The following SLCO1C1 variants were observed in gnomAD, a reference collection of about 807,000 sequenced individuals.
SLCO1C1 encodes solute carrier organic anion transporter family member 1C1, also known as OAT-RP-5.
Under a neutral mutation model 76.4 loss-of-function variants are expected in SLCO1C1, and 70 were observed. The observed-to-expected ratio is 0.92, with a 90% CI of 0.76 to 1.12. SLCO1C1 has a LOEUF of 1.12. Among genes scored for constraint, SLCO1C1 ranks in the 50% most tolerant of loss-of-function variants. The pLI is 0.00. For missense variants in SLCO1C1, 912 were observed against 823.8 expected (o/e 1.11, Z -1.31); for synonymous variants, 306 against 286.1 (o/e 1.07, Z -0.70).
Position 20,722,650 on chromosome 12 carries a change from A to G in SLCO1C1, c.1022-440A>G, listed in dbSNP as rs142160986. 3.5e-3 allele frequency among the ~76,000 whole-genome samples: 531 copies of G among 152,344 alleles called. 12 individuals carry two copies. In the East Asian group the frequency reaches 0.036, roughly 10 times the overall value. On this transcript the variant is annotated intron_variant, in intron 8 of 14. Coordinates refer to ENST00000266509, the MANE Select transcript of SLCO1C1 (RefSeq NM_017435.5). ...ATGCTCATTTCTAACACTAAAATTC[A>G]TATATTAAATGGAGATAACTCTCAT... is the stretch of plus-strand genomic sequence containing the variant.
chr12:20,750,153 T>G (rs992006543), intron 13 of SLCO1C1, among the ~76,000 whole-genome samples: 1 of 152,204 alleles, frequency 6.6e-6, no homozygotes, highest in African/African-American at 2.4e-5. Flanking sequence ...AACCTCTGTA[T>G]GATGTACAGA....
chr12:20,712,870 G>A (rs1464930221), intron 5 of SLCO1C1, among the ~76,000 whole-genome samples: 1 of 152,118 alleles, frequency 6.6e-6, no homozygotes, highest in Non-Finnish European at 1.5e-5. Context: ...AGCAAAAGAA[G>A]GAACTCATTC....
At chr12:20,721,470 T>C (rs1224552397) in intron 7 of SLCO1C1, among the ~76,000 whole-genome samples, 1 of 152,066 alleles carries the variant, frequency 6.6e-6, no homozygotes, top group East Asian at 2.0e-4. Context: ...ACTTTTTTTT[T>C]AAATGAAGGT....
intron 4 of SLCO1C1, 98 bp downstream of exon 4, chr12:20,706,179 T>C (rs771206843): frequency 7.2e-7 from 1 of 1,381,668 alleles, no homozygotes; most frequent in Non-Finnish European, 9.6e-7. Flanking sequence ...GCTTAACCCA[T>C]GATAACTTTG....
intron 9 of SLCO1C1, 146 bp downstream of exon 9, chr12:20,723,400 C>A: frequency 1.0e-6 from 1 of 994,400 alleles, no homozygotes; most frequent in South Asian, 1.8e-5. Context: ...AATGTTGTAG[C>A]AAGAATTATT....
intron 1 of SLCO1C1, among the ~76,000 whole-genome samples, chr12:20,696,493 A>G (rs1480217969): frequency 6.6e-6 from 1 of 152,142 alleles, no homozygotes; most frequent in Admixed American, 6.5e-5. Context: ...TGCTCTCTCC[A>G]TTTAAAATCT....
chr12:20,749,347 G>A (rs1262700707), intron 13 of SLCO1C1, among the ~76,000 whole-genome samples: 1 of 152,164 alleles, frequency 6.6e-6, no homozygotes, highest in African/African-American at 2.4e-5. Flanking sequence ...AAAGCTGTAT[G>A]GACTTGTGGT....
chr12:20,701,184 A>G, intron 2 of SLCO1C1, 134 bp from the exon 3 acceptor site: 1 of 881,726 alleles, frequency 1.1e-6, no homozygotes, highest in Middle Eastern at 2.7e-4. Context: ...TTTGAATTAA[A>G]GTTTCAGTGA....
Position 20,753,278 on chromosome 12 carries a change from A to C in SLCO1C1, c.*750A>C, listed in dbSNP as rs1949390627. On this transcript the variant is annotated 3_prime_UTR_variant, in exon 15 of 15. Coordinates refer to ENST00000266509, the MANE Select transcript of SLCO1C1 (RefSeq NM_017435.5). ...CTATTGTTAAATATAATACTGCCCCACTTTAATATATGTAAGCAACTTCCT... is the reference window on the plus strand; with the variant it reads ...CTATTGTTAAATATAATACTGCCCCCCTTTAATATATGTAAGCAACTTCCT... The C allele has an allele frequency of 6.6e-6, 1 of 152,190 alleles. No individual in the cohort carries two copies. The highest frequency in any genetic ancestry group is 2.1e-4 in the South Asian group (1 of 4,834). 9.4% of individuals were successfully genotyped at this position (152,190 alleles called of 1,614,324 possible). A position where few individuals can be genotyped will look rare whatever the true frequency, so the allele number is the denominator to read the frequency against.
Position 20,715,213 on chromosome 12 carries a change from A to T in SLCO1C1, c.604A>T (p.Thr202Ser), listed in dbSNP as rs759309212. Reference sequence around the variant, plus strand: ...CAATCTTCTTCGTGGAATAGGAGAAACTCCCATTCAGCCTTTGGGCATTGC... The same window carrying T: ...CAATCTTCTTCGTGGAATAGGAGAATCTCCCATTCAGCCTTTGGGCATTGC... Reference protein sequence around the residue: ...LGNLLRGIGETPIQPLGIAYL... With the variant: ...LGNLLRGIGESPIQPLGIAYL... The change falls in exon 6 of 15, where the codon ACT becomes TCT. Residue 202 changes from threonine to serine, a missense_variant. Physicochemically the swap from Thr to Ser is moderately conservative, Grantham distance 58 (BLOSUM62 1). Transcript: ENST00000266509. 1 of 1,613,914 alleles carries T rather than the reference A, an allele frequency of 6.2e-7. No individual in the cohort carries two copies. The highest frequency in any genetic ancestry group is 8.5e-7 in the Non-Finnish European group (1 of 1,179,850).
chr12:20,710,796 T>G (rs1037218363), intron 4 of SLCO1C1, among the ~76,000 whole-genome samples: 1 of 152,194 alleles, frequency 6.6e-6, no homozygotes, highest in Non-Finnish European at 1.5e-5. Flanking sequence ...GGCAATACAT[T>G]GTTCAATTAT....
At chr12:20,702,942 G>C (rs1411932254) in intron 3 of SLCO1C1, among the ~76,000 whole-genome samples, 5 of 151,860 alleles carry the variant, frequency 3.3e-5, no homozygotes, top group Admixed American at 3.3e-4. Flanking sequence ...GATGCAACTT[G>C]AGAGACAAAG....
chr12:20,718,494 A>G (rs1169759868), intron 7 of SLCO1C1, among the ~76,000 whole-genome samples: 1 of 152,224 alleles, frequency 6.6e-6, no homozygotes, highest in Non-Finnish European at 1.5e-5. Context: ...TTGCTTACAC[A>G]TACAAATCTT....
At chr12:20,733,401 T>C (rs1948388594) in intron 10 of SLCO1C1, among the ~76,000 whole-genome samples, 1 of 152,180 alleles carries the variant, frequency 6.6e-6, no homozygotes, top group Non-Finnish European at 1.5e-5. Flanking sequence ...GAATAATGCC[T>C]CTGTCTATTC....
chr12:20,717,667 TTTTTTTTTTTTTTTTTTTTTTTTTTA>T (rs1482707555), intron 7 of SLCO1C1, among the ~76,000 whole-genome samples: 1 of 85,748 alleles, frequency 1.2e-5, no homozygotes. Flanking sequence ...TTTTTTTTTT[TTTTTTTTTTTTTTTTTTTTTTTTTTA>T]CTCTGCAAGT....
chr12:20,724,283 TAAGA>T (rs1207610184), intron 9 of SLCO1C1, among the ~76,000 whole-genome samples: 1 of 151,020 alleles, frequency 6.6e-6, no homozygotes, highest in South Asian at 2.1e-4. Context: ...ATTTAAAGTT[TAAGA>T]GAGACTTTAT....
chr12:20,745,529 T>TA (rs1019308224), intron 13 of SLCO1C1, among the ~76,000 whole-genome samples: 1 of 151,962 alleles, frequency 6.6e-6, no homozygotes, highest in Non-Finnish European at 1.5e-5. Context: ...AAGTATAAAA[T>TA]AAAAAAATTC....
At position 20,752,437 on chromosome 12, in the gene SLCO1C1, T is replaced by C. The variant is rs781522975; in HGVS notation, c.2048T>C (p.Met683Thr). The C allele has an allele frequency of 6.2e-7, 1 of 1,613,474 alleles. No homozygotes were observed. The highest frequency in any genetic ancestry group is 1.1e-5 in the South Asian group (1 of 91,038). Reference protein sequence around the residue: ...RSFITKRERTMVSTRFQKENY... With the variant: ...RSFITKRERTTVSTRFQKENY... The stretch of plus-strand genomic sequence containing the variant: ...TTTATAACCAAGAGAGAAAGAACAA[T>C]GGTGTCTACAAGATTCCAAAAGGAA... The change falls in exon 15 of 15, where the codon ATG (methionine) becomes ACG (threonine). Residue 683 changes from methionine (M) to threonine (T), a missense_variant. Coordinates refer to ENST00000266509, the MANE Select transcript of SLCO1C1 (RefSeq NM_017435.5).
Position 20,711,617 on chromosome 12 carries a change from C to G in SLCO1C1, c.529+107C>G, listed in dbSNP as rs556653575. On this transcript the variant is annotated intron_variant, in intron 5 of 14. Transcript: ENST00000266509. ...ATGATTTTTGCTCCCAAAAGCTTTA[C>G]TACTTAAATTGAGATATCACAGTAC... 28 of 1,202,230 alleles carry G rather than the reference C, an allele frequency of 2.3e-5. No individual in the cohort carries two copies. The South Asian group carries it at 4.0e-4, about 17-fold the overall frequency. 74.5% of individuals were successfully genotyped at this position (1,202,230 alleles called of 1,614,324 possible). A position where few individuals can be genotyped will look rare whatever the true frequency, so the allele number is the denominator to read the frequency against.
Sources: allele counts gnomAD v4.1 joint callset (sites outside exome capture counted in the v4.1 genomes callset), GRCh38; gene constraint gnomAD v4.1.1; transcripts MANE v1.5; gene names NCBI Gene and HGNC (gene_info 2026-07-23, HGNC 2026-07-21).